EPHB3: variants seen among roughly 807,000 people sequenced by gnomAD.
EPHB3 encodes the protein ephrin type-B receptor 3.
In EPHB3, 33 loss-of-function variants were observed where a neutral mutation model predicts 100.2. That is an observed-to-expected ratio of 0.33 (90% CI 0.25 to 0.44). The LOEUF (loss-of-function observed/expected upper bound fraction) is 0.44. Among genes scored for constraint, EPHB3 ranks in the 20% least tolerant of loss-of-function variants. EPHB3 has a pLI of 1.00. For missense variants in EPHB3, 1,045 were observed against 1,378.3 expected (o/e 0.76, Z 3.83); for synonymous variants, 526 against 554.7 (o/e 0.95, Z 0.73).
chr3:184,568,978 C>T (rs987204695), intron 1 of EPHB3, among the ~76,000 whole-genome samples: 1 of 152,034 alleles, frequency 6.6e-6, no homozygotes, highest in African/African-American at 2.4e-5. Flanking sequence ...CGCCGCCTCT[C>T]CGCCGTCCCC....
intron 4 of EPHB3, 149 bp from the exon 5 acceptor site, chr3:184,576,692 TG>T: frequency 1.4e-6 from 1 of 725,962 alleles, no homozygotes; most frequent in Non-Finnish European, 2.1e-6. Flanking sequence ...GGAGTCTGCC[TG>T]GTGAAGAAAT....
rs985492374 is a variant in EPHB3 at position 184,579,362 on chromosome 3, A to T, written c.1802-115A>T. On this transcript the variant is annotated intron_variant, in intron 9 of 15. Coordinates refer to ENST00000330394, the MANE Select transcript of EPHB3 (RefSeq NM_004443.4). The surrounding 1 kb of genome is among the most constrained non-coding windows in gnomAD (Gnocchi z 5.2). ...CTCATGGGAGCTGGAGGATTAGGGC[A>T]GCAACACAGAGGAATATGGGGCTGG... is the stretch of plus-strand genomic sequence containing the variant. 6.3e-5 allele frequency: 94 copies of T among 1,481,828 alleles called. 1 individual carries two copies. Among genetic ancestry groups the T allele is most frequent in the Non-Finnish European group, 9.1e-6 (10 of 1,097,252 alleles). The allele number at this position is 1,481,828 out of a possible 1,614,324, so 91.8% of individuals were successfully genotyped here.
Position 184,562,384 on chromosome 3 carries a change from C to G in EPHB3, c.118+31C>G. 1 of 1,206,784 alleles carries G rather than the reference C, an allele frequency of 8.3e-7. No individual in the cohort carries two copies. Among genetic ancestry groups the G allele is most frequent in the Non-Finnish European group, 1.0e-6 (1 of 972,856 alleles). 74.8% of individuals were successfully genotyped at this position (1,206,784 alleles called of 1,614,324 possible). A position where few individuals can be genotyped will look rare whatever the true frequency, so the allele number is the denominator to read the frequency against. On this transcript the variant is annotated intron_variant, in intron 1 of 15. Transcript: ENST00000330394. The surrounding 1 kb of genome is among the most constrained non-coding windows in gnomAD (Gnocchi z 4.8). The stretch of plus-strand genomic sequence containing the variant: ...CGGCGTCGGGGGGCGCGCCCGGGAA[C>G]AAGGTGCCTGGGGTCGCGGGGCTGC...
At chr3:184,576,062 ACT>A (rs1283041265) in intron 4 of EPHB3, 77 bp downstream of exon 4, 16 of 1,492,646 alleles carry the variant, frequency 1.1e-5, no homozygotes, top group Non-Finnish European at 1.4e-5. Flanking sequence ...CTAAGCAGTC[ACT>A]ATGAATAGCC....
chr3:184,576,852 T>A lies in EPHB3; in HGVS notation c.1023T>A (p.Ser341=). ...CCATATTCCTCACAGCCGTGCCATCTCCACCCCGAGGTGTGATCTCCAATG... is the reference window on the plus strand; with the variant it reads ...CCATATTCCTCACAGCCGTGCCATCACCACCCCGAGGTGTGATCTCCAATG... ...SADSACTTVP[S]PPRGVISNVN... Residue 341 remains serine (S), a synonymous_variant, in exon 5 of 16, where the codon TCT becomes TCA. Coordinates refer to ENST00000330394, the MANE Select transcript of EPHB3 (RefSeq NM_004443.4). The A allele has an allele frequency of 6.5e-7, 1 of 1,543,696 alleles. No homozygotes were observed. The highest frequency in any genetic ancestry group is 8.8e-7 in the Non-Finnish European group (1 of 1,140,990).
At position 184,565,119 on chromosome 3, in the gene EPHB3, G is replaced by A. The variant is rs1446169016; in HGVS notation, c.118+2766G>A. On this transcript the variant is annotated intron_variant, in intron 1 of 15. Transcript: ENST00000330394. The surrounding 1 kb of genome is among the most constrained non-coding windows in gnomAD (Gnocchi z 4.8). ...TCACCAAGACTCTGCATCCAAGGCT[G>A]TCATCAGTTTTCCATGTGGATGGAG... is the stretch of plus-strand genomic sequence containing the variant. 6.6e-6 allele frequency among the ~76,000 whole-genome samples: 1 copy of A among 152,112 alleles called. No individual in the cohort carries two copies. The highest frequency in any genetic ancestry group is 1.5e-5 in the Non-Finnish European group (1 of 68,024).
chr3:184,574,243 T>C (rs1449115896), intron 3 of EPHB3, among the ~76,000 whole-genome samples: 1 of 152,186 alleles, frequency 6.6e-6, no homozygotes, highest in Non-Finnish European at 1.5e-5. Flanking sequence ...ATTGTATACA[T>C]GAGGAGTTCA....
rs372221231 is a variant in EPHB3 at position 184,581,296 on chromosome 3, A to G, written c.2776A>G (p.Thr926Ala). ...GGACCGCACGGTCCCAGATTACACA[A>G]CCTTCACGACAGTTGGTGATTGGCT... ...LLDRTVPDYT[T>A]FTTVGDWLDA... The change falls in exon 15 of 16, where the codon ACC becomes GCC. Residue 926 changes from threonine (T) to alanine (A), a missense_variant. This residue lies in a region of EPHB3 where 985 missense variants were observed against 1,331.1 expected (regional missense o/e 0.74). Coordinates refer to ENST00000330394, the MANE Select transcript of EPHB3 (RefSeq NM_004443.4). The G allele has an allele frequency of 3.1e-6, 5 of 1,606,324 alleles. No homozygotes were observed. The African/African-American group carries it at 6.7e-5, about 21-fold the overall frequency.
In EPHB3 at chr3:184,578,609, A is replaced by G; in HGVS notation, c.1801+143A>G. 9.2e-7 allele frequency: 1 copy of G among 1,092,052 alleles called. No individual in the cohort carries two copies. Among genetic ancestry groups the G allele is most frequent in the Non-Finnish European group, 1.3e-6 (1 of 754,760 alleles). The allele number at this position is 1,092,052 out of a possible 1,614,324, so 67.6% of individuals were successfully genotyped here. On this transcript the variant is annotated intron_variant, in intron 9 of 15. Transcript: ENST00000330394. The surrounding 1 kb of genome is among the most constrained non-coding windows in gnomAD (Gnocchi z 4.7). ...ACTTCCAGTCAAGTGGCATTTCCTG[A>G]CCCCTATCTCACTCCGGGTACCCTG...
In EPHB3 at chr3:184,573,803, C is replaced by T. The variant is rs575209464; in HGVS notation, c.856+627C>T. On this transcript the variant is annotated intron_variant, in intron 3 of 15. Transcript: ENST00000330394. This position sits in a 1 kb window ranked among gnomAD's most constrained non-coding sequence, Gnocchi z 4.5. ...CGCGATCTTGGCTTGCTGCAACCTC[C>T]ACCTCCCAGGTTCAAACAATTCTCC... is the stretch of plus-strand genomic sequence containing the variant. 7.2e-5 allele frequency among the ~76,000 whole-genome samples: 11 copies of T among 151,788 alleles called. No homozygotes were observed. In the East Asian group the frequency reaches 1.9e-3, roughly 27 times the overall value.
At chr3:184,574,599 C>T (rs544513445) in intron 3 of EPHB3, among the ~76,000 whole-genome samples, 58 of 152,284 alleles carry the variant, frequency 3.8e-4, no homozygotes, top group Non-Finnish European at 6.3e-4. Flanking sequence ...CAGCCCTAGG[C>T]GTGAGAGGGG....
At position 184,563,527 on chromosome 3, in the gene EPHB3, G is replaced by A. The variant is rs897937814; in HGVS notation, c.118+1174G>A. ...AAAAGAACACAGTTCAGAGAGAAAG[G>A]CATCCTCTGGTGCGTTCTAATGTTC... is the stretch of plus-strand genomic sequence containing the variant. On this transcript the variant is annotated intron_variant, in intron 1 of 15. Coordinates refer to ENST00000330394, the MANE Select transcript of EPHB3 (RefSeq NM_004443.4). The surrounding 1 kb of genome is among the most constrained non-coding windows in gnomAD (Gnocchi z 4.1). Among the ~76,000 whole-genome samples the A allele has an allele frequency of 6.6e-6, 1 of 152,166 alleles. No homozygotes were observed. Among genetic ancestry groups the A allele is most frequent in the East Asian group, 1.9e-4 (1 of 5,198 alleles).
At position 184,579,708 on chromosome 3, in the gene EPHB3, G is replaced by A. The variant is rs534204009; in HGVS notation, c.1946G>A (p.Arg649His). 12 of 1,611,802 alleles carry A rather than the reference G, an allele frequency of 7.4e-6. No individual in the cohort carries two copies. Among genetic ancestry groups the A allele is most frequent in the Admixed American group, 6.7e-5 (4 of 59,902 alleles). ...IGAGEFGEVCRGRLKQPGRRE... is the reference protein window; with the variant it reads ...IGAGEFGEVCHGRLKQPGRRE... ...GCAGGGGAATTTGGGGAAGTGTGCC[G>A]TGGTCGACTGAAACAGCCTGGCCGC... The change falls in exon 11 of 16, where the codon CGT becomes CAT. Residue 649 changes from arginine (R) to histidine (H), a missense_variant. Transcript: ENST00000330394. The surrounding 1 kb of genome is among the most constrained non-coding windows in gnomAD (Gnocchi z 5.2).
In EPHB3 at chr3:184,577,380, C is replaced by G; in HGVS notation, c.1392C>G (p.Ser464Arg). The change falls in exon 6 of 16, where the codon AGC (serine) becomes AGG (arginine). Residue 464 changes from serine to arginine, a missense_variant. By Grantham distance (110) the Ser-to-Arg change is moderately radical. Coordinates refer to ENST00000330394, the MANE Select transcript of EPHB3 (RefSeq NM_004443.4). The surrounding 1 kb of genome is among the most constrained non-coding windows in gnomAD (Gnocchi z 4.9). ...TGCCCACACTACGCCTGCACAGCAG[C>G]TCAGGCAGCAGCCTCACCCTATCCT... ...SEVPTLRLHS[S>R]SGSSLTLSWA... 6.2e-7 allele frequency: 1 copy of G among 1,613,862 alleles called. No individual in the cohort carries two copies. Among genetic ancestry groups the G allele is most frequent in the Non-Finnish European group, 8.5e-7 (1 of 1,180,026 alleles).
In EPHB3 at chr3:184,580,600, A is replaced by G. The variant is rs772853395; in HGVS notation, c.2371A>G (p.Thr791Ala). 2 of 1,613,778 alleles carry G rather than the reference A, an allele frequency of 1.2e-6. No homozygotes were observed. The highest frequency in any genetic ancestry group is 4.5e-5 in the East Asian group (2 of 44,868). The change falls in exon 12 of 16, where the codon ACC becomes GCC. Residue 791 changes from threonine (T) to alanine (A), a missense_variant. Around this residue, in one of 2 missense-constraint regions of EPHB3, gnomAD observed 985 missense variants for 1,331.1 expected, o/e 0.74. Coordinates refer to ENST00000330394, the MANE Select transcript of EPHB3 (RefSeq NM_004443.4). Reference sequence around the variant, plus strand: ...CCTGGAGGATGACCCCTCCGATCCTACCTACACCAGTTCCCTGGTACAGGA... The same window carrying G: ...CCTGGAGGATGACCCCTCCGATCCTGCCTACACCAGTTCCCTGGTACAGGA... ...RFLEDDPSDP[T>A]YTSSLGGKIP...
rs201419067 is a variant in EPHB3 at position 184,580,915 on chromosome 3, G to A, written c.2538+37G>A. On this transcript the variant is annotated intron_variant, in intron 13 of 15. Transcript: ENST00000330394. Reference sequence around the variant, plus strand: ...TACGCCAGAGTGGTTGGGTAGGTGGGTGCTGGCTGGGGATCATGGCAGTGG... The same window carrying A: ...TACGCCAGAGTGGTTGGGTAGGTGGATGCTGGCTGGGGATCATGGCAGTGG... The A allele has an allele frequency of 4.7e-5, 75 of 1,607,802 alleles. No individual in the cohort carries two copies. In the African/African-American group the frequency reaches 9.2e-4, roughly 20 times the overall value.
In EPHB3 at chr3:184,581,735, G is replaced by A; in HGVS notation, c.*113G>A. 8.9e-7 allele frequency: 1 copy of A among 1,121,810 alleles called. No individual in the cohort carries two copies. Among genetic ancestry groups the A allele is most frequent in the South Asian group, 1.7e-5 (1 of 60,390 alleles). 69.5% of individuals were successfully genotyped at this position (1,121,810 alleles called of 1,614,324 possible). ...GCCTTAGGCTGTGGCCCAGAAGCTG[G>A]AAGTTTGGGAAAGGCCCAAGCTGGG... On this transcript the variant is annotated 3_prime_UTR_variant, in exon 16 of 16. Transcript: ENST00000330394.
Position 184,575,886 on chromosome 3 carries a change from C to T in EPHB3, c.913C>T (p.Pro305Ser). ...KQGEGPCLPC[P>S]PNSRTTSPAA... ...GGGAGAGGGGCCCTGCCTCCCATGT[C>T]CCCCCAACAGCCGTACCACCTCCCC... The change falls in exon 4 of 16, where the codon CCC (proline) becomes TCC (serine). Residue 305 changes from proline (P) to serine (S), a missense_variant. By Grantham distance (74) the Pro-to-Ser change is moderately conservative. Around this residue, in one of 2 missense-constraint regions of EPHB3, gnomAD observed 985 missense variants for 1,331.1 expected, o/e 0.74. Coordinates refer to ENST00000330394, the MANE Select transcript of EPHB3 (RefSeq NM_004443.4). 1.2e-6 allele frequency: 2 copies of T among 1,613,520 alleles called. No homozygotes were observed. The highest frequency in any genetic ancestry group is 1.7e-6 in the Non-Finnish European group (2 of 1,179,744).
chr3:184,579,459 CA>C lies in EPHB3; in HGVS notation c.1802-17del. The stretch of plus-strand genomic sequence containing the variant: ...TGGCTTGACGTTACCCTCTCACGCC[CA>C]CCTCTTCTCCCTCCAGTTGCTCCTG... On this transcript the variant is annotated splice_polypyrimidine_tract_variant and intron_variant, in intron 9 of 15. Transcript: ENST00000330394. The surrounding 1 kb of genome is among the most constrained non-coding windows in gnomAD (Gnocchi z 5.2). 7 of 1,611,180 alleles carry C rather than the reference CA, an allele frequency of 4.3e-6. No homozygotes were observed. Among genetic ancestry groups the C allele is most frequent in the Non-Finnish European group, 5.9e-6 (7 of 1,177,662 alleles).
Sources: gnomAD v4.1 joint callset for allele counts (sites outside exome capture counted in the v4.1 genomes callset) on GRCh38, gnomAD v4.1.1 for gene constraint, gnomAD v4.1.1 regional missense constraint, Gnocchi (gnomAD v3.1) non-coding constraint, MANE v1.5 for transcripts, NCBI Gene and HGNC (gene_info 2026-07-23, HGNC 2026-07-21) for gene names.